The following DOCK11 variants were observed in gnomAD, a reference collection of about 807,000 sequenced individuals.
DOCK11 encodes dedicator of cytokinesis protein 11.
In DOCK11, 70 loss-of-function variants were observed where a neutral mutation model predicts 169.1. The ratio of observed to expected loss-of-function variants is 0.41; its 90% CI spans 0.34 to 0.51. The LOEUF (loss-of-function observed/expected upper bound fraction) is 0.51, where lower values mean the gene tolerates loss of function less well. Among genes scored for constraint, DOCK11 ranks in the 20% least tolerant of loss-of-function variants. The probability of loss-of-function intolerance (pLI) is 0.10; values close to 1 mark genes in which losing one functional copy is unlikely to be tolerated. For missense variants in DOCK11, 1,166 were observed against 1,538.8 expected (o/e 0.76, Z 4.05); for synonymous variants, 529 against 541.3 (o/e 0.98, Z 0.32).
At chrX:118,646,053 C>CAAAAAA (rs754457760) in intron 40 of DOCK11, among the ~76,000 whole-genome samples, 3 of 38,966 alleles carry the variant, frequency 7.7e-5, no homozygotes, top group Non-Finnish European at 9.3e-5. Flanking sequence ...GAGACTTCGT[C>CAAAAAA]AAAAAAAAAA....
chrX:118,648,253 G>T (rs1175517983), intron 40 of DOCK11, among the ~76,000 whole-genome samples: 3 of 83,731 alleles, frequency 3.6e-5, no homozygotes, highest in East Asian at 6.8e-4. Flanking sequence ...AGTAATTGCG[G>T]TTTTTGCCAC....
intron 44 of DOCK11, among the ~76,000 whole-genome samples, chrX:118,658,685 G>A (rs761341674): frequency 1.8e-5 from 2 of 112,421 alleles, no homozygotes; most frequent in Non-Finnish European, 3.8e-5. Flanking sequence ...GCACCTCAAA[G>A]TGATAATACT....
intron 20 of DOCK11, among the ~76,000 whole-genome samples, chrX:118,595,510 C>G (rs774961905): frequency 9.0e-6 from 1 of 111,317 alleles, no homozygotes; most frequent in Non-Finnish European, 1.9e-5. Context: ...TGTTCTTTAT[C>G]CCCATAGAAA....
chrX:118,599,297 A>G (rs2014265206), intron 23 of DOCK11, 69 bp downstream of exon 23: 5 of 621,965 alleles, frequency 8.0e-6, no homozygotes, highest in Non-Finnish European at 1.2e-5. Flanking sequence ...TTTTGGTGTG[A>G]AAAAAAAAAG....
intron 35 of DOCK11, among the ~76,000 whole-genome samples, chrX:118,634,519 C>T (rs965396512): frequency 5.4e-5 from 6 of 112,011 alleles, no homozygotes; most frequent in South Asian, 3.7e-4. Flanking sequence ...CCCAGGTTTT[C>T]GCTGGAGAGG....
intron 1 of DOCK11, among the ~76,000 whole-genome samples, chrX:118,528,148 A>G (rs2011420493): frequency 8.9e-6 from 1 of 112,122 alleles, no homozygotes. Flanking sequence ...CTGTTCTTCT[A>G]TAGGCTGAGG....
chrX:118,630,535 C>T (rs765499793), intron 35 of DOCK11, 45 bp downstream of exon 35: 5 of 830,476 alleles, frequency 6.0e-6, no homozygotes, highest in East Asian at 3.2e-5. Flanking sequence ...AGACATACAC[C>T]CTCACAGGTT....
intron 6 of DOCK11, among the ~76,000 whole-genome samples, chrX:118,552,492 C>G (rs1188085032): frequency 2.7e-5 from 3 of 112,074 alleles, no homozygotes; most frequent in African/African-American, 9.7e-5. Flanking sequence ...TATAGCTTTC[C>G]CCCTGCTCTG....
chrX:118,604,521 C>CTTTTTTTTT (rs74504860), intron 23 of DOCK11, among the ~76,000 whole-genome samples: 5 of 38,194 alleles, frequency 1.3e-4, no homozygotes, highest in Non-Finnish European at 1.7e-4. Context: ...GGTTTGTTTC[C>CTTTTTTTTT]TTTTTTTTTT....
At chrX:118,664,488 T>C (rs779716376) in intron 45 of DOCK11, among the ~76,000 whole-genome samples, 23 of 109,630 alleles carry the variant, frequency 2.1e-4, no homozygotes, top group Admixed American at 6.8e-4. Flanking sequence ...CTACTAAAAA[T>C]ACAAAAATTA....
At chrX:118,570,827 T>C (rs2013248341) in intron 10 of DOCK11, among the ~76,000 whole-genome samples, 2 of 112,130 alleles carry the variant, frequency 1.8e-5, no homozygotes, top group Admixed American at 1.9e-4. Context: ...GTGAATAGAA[T>C]ATAAGTCTGT....
chrX:118,633,191 T>G (rs2015298119), intron 35 of DOCK11: 1 of 111,637 alleles, frequency 9.0e-6, no homozygotes, highest in Non-Finnish European at 1.9e-5. Context: ...CACTGCAAAT[T>G]TGGTGTTAGA....
chrX:118,680,404 C>A, intron 48 of DOCK11, 78 bp from the exon 49 acceptor site: 1 of 580,958 alleles, frequency 1.7e-6, no homozygotes, highest in Non-Finnish European at 2.4e-6. Flanking sequence ...AGTAGGTTAC[C>A]TTATCTCCTT....
intron 23 of DOCK11, 44 bp from the exon 24 acceptor site, chrX:118,605,191 TATC>T (rs1461549879): frequency 4.1e-6 from 4 of 965,576 alleles, no homozygotes; most frequent in African/African-American, 4.0e-5. Flanking sequence ...TTGCAAATTT[TATC>T]ATATTTCTGT....
chrX:118,518,105 T>C (rs757106597), intron 1 of DOCK11, among the ~76,000 whole-genome samples: 16 of 112,307 alleles, frequency 1.4e-4, no homozygotes, highest in Admixed American at 7.6e-4. Context: ...TTTGTGGTCA[T>C]GATTTTTCTG....
chrX:118,551,692 G>A (rs185496207), intron 6 of DOCK11, among the ~76,000 whole-genome samples: 5 of 110,441 alleles, frequency 4.5e-5, no homozygotes, highest in Non-Finnish European at 9.5e-5. Context: ...AGCAATACTC[G>A]ATCTCTTAAA....
intron 16 of DOCK11, among the ~76,000 whole-genome samples, chrX:118,585,699 G>A (rs750842343): frequency 2.7e-5 from 3 of 109,114 alleles, no homozygotes; most frequent in Non-Finnish European, 5.7e-5. Context: ...TCATATATAC[G>A]AAGTTGTGAG....
chrX:118,624,369 C>T (rs1006340171), intron 31 of DOCK11, among the ~76,000 whole-genome samples, 170 bp from the exon 32 acceptor site: 2 of 112,683 alleles, frequency 1.8e-5, no homozygotes, highest in Admixed American at 1.9e-4. Context: ...CAACAAAGTT[C>T]TGTGGTAATT....
At chrX:118,634,175 T>C (rs1320710469) in intron 35 of DOCK11, 2 of 112,192 alleles carry the variant, frequency 1.8e-5, no homozygotes, top group African/African-American at 6.5e-5. Context: ...CTCTTTATCA[T>C]GGAGCTCTTT....
Sources: allele counts gnomAD v4.1 joint callset (sites outside exome capture counted in the v4.1 genomes callset), GRCh38; gene constraint gnomAD v4.1.1; transcripts MANE v1.5; gene names NCBI Gene and HGNC (gene_info 2026-07-23, HGNC 2026-07-21).